DACH2: variants seen among roughly 807,000 people sequenced by gnomAD.
DACH2 encodes the protein dachshund family transcription factor 2.
Under a neutral mutation model 35.8 loss-of-function variants are expected in DACH2, and 17 were observed. The observed-to-expected ratio is 0.48, with a 90% CI of 0.33 to 0.71. The LOEUF (loss-of-function observed/expected upper bound fraction) is 0.71, where lower values mean the gene tolerates loss of function less well. Ranked by LOEUF, DACH2 falls within the 30% of genes least tolerant of loss-of-function variation. The pLI is 0.02. For synonymous variants in DACH2, 195 were observed against 177.3 expected (o/e 1.10, Z -0.79); for missense variants, 469 against 472.7 (o/e 0.99, Z 0.07).
At chrX:86,293,040 A>G (rs1198793178) in intron 1 of DACH2, among the ~76,000 whole-genome samples, 1 of 96,092 alleles carries the variant, frequency 1.0e-5, no homozygotes, top group African/African-American at 4.0e-5. Flanking sequence ...AAAGTCTCCC[A>G]TTATTAATGT....
intron 3 of DACH2, among the ~76,000 whole-genome samples, chrX:86,533,780 C>G (rs1428614713): frequency 9.0e-6 from 1 of 111,542 alleles, no homozygotes; most frequent in Non-Finnish European, 1.9e-5. Context: ...ATTTTCTACT[C>G]TTACAAATTC....
chrX:86,396,689 A>G (rs1304931512), intron 2 of DACH2, among the ~76,000 whole-genome samples: 1 of 111,175 alleles, frequency 9.0e-6, no homozygotes, highest in Non-Finnish European at 1.9e-5. Flanking sequence ...GTCAAAGATC[A>G]GATAGTTGCA....
intron 7 of DACH2, among the ~76,000 whole-genome samples, chrX:86,764,545 C>A (rs1336786800): frequency 1.8e-5 from 2 of 111,742 alleles, no homozygotes; most frequent in Non-Finnish European, 3.8e-5. Flanking sequence ...CATGTTGTTG[C>A]AAAGGACATA....
intron 2 of DACH2, among the ~76,000 whole-genome samples, chrX:86,427,243 C>G (rs1248020281): frequency 9.0e-6 from 1 of 111,110 alleles, no homozygotes; most frequent in Non-Finnish European, 1.9e-5. Flanking sequence ...AATTGGGTCA[C>G]AAAGCATTGT....
chrX:86,700,008 A>G (rs2041121360), intron 5 of DACH2, among the ~76,000 whole-genome samples: 1 of 111,848 alleles, frequency 8.9e-6, no homozygotes, highest in Non-Finnish European at 1.9e-5. Flanking sequence ...TAATTATATG[A>G]TTGAATTTTT....
chrX:86,329,696 G>A (rs1448029548), intron 1 of DACH2, among the ~76,000 whole-genome samples: 1 of 111,803 alleles, frequency 8.9e-6, no homozygotes, highest in African/African-American at 3.3e-5. Flanking sequence ...AACTGAAGAA[G>A]AGGCAGTCTT....
chrX:86,421,449 G>A lies in DACH2; in HGVS notation c.527+44587G>A, dbSNP rs752793592. ...AGATTTAAGGCAACTCATTTGAGTG[G>A]TACCTTGAAGGGTGATTGATTTGAC... is the stretch of plus-strand genomic sequence containing the variant. On this transcript the variant is annotated intron_variant, in intron 2 of 11. Coordinates refer to ENST00000373125, the MANE Select transcript of DACH2 (RefSeq NM_053281.3). 2.5e-4 allele frequency among the ~76,000 whole-genome samples: 28 copies of A among 111,368 alleles called. No homozygotes were observed. In the South Asian group the frequency reaches 9.7e-3, roughly 39 times the overall value.
chrX:86,667,545 G>GAAAGAAAGAAAGAAAGAAGA (rs1556364144), intron 4 of DACH2, among the ~76,000 whole-genome samples: 4 of 31,364 alleles, frequency 1.3e-4, no homozygotes, highest in East Asian at 1.1e-3. Flanking sequence ...AAGAAAGAAA[G>GAAAGAAAGAAAGAAAGAAGA]AAGAAAGAAA....
chrX:86,336,327 C>T (rs1338173653), intron 1 of DACH2, among the ~76,000 whole-genome samples: 2 of 111,888 alleles, frequency 1.8e-5, no homozygotes, highest in South Asian at 3.7e-4. Context: ...AGAATGGTAC[C>T]AGCTCCTCTT....
intron 1 of DACH2, among the ~76,000 whole-genome samples, chrX:86,366,109 T>C (rs2035802907): frequency 9.0e-6 from 1 of 111,324 alleles, no homozygotes; most frequent in Non-Finnish European, 1.9e-5. Context: ...TTTGTGTACA[T>C]TGTCTTTTGC....
intron 2 of DACH2, among the ~76,000 whole-genome samples, chrX:86,419,931 T>A (rs936205625): frequency 1.8e-5 from 2 of 111,835 alleles, no homozygotes; most frequent in Non-Finnish European, 3.8e-5. Context: ...TTCTAGCTAT[T>A]GTGACCTGGG....
At chrX:86,181,409 C>A (rs983403168) in intron 1 of DACH2, among the ~76,000 whole-genome samples, 16 of 110,890 alleles carry the variant, frequency 1.4e-4, no homozygotes, top group Non-Finnish European at 2.5e-4. Flanking sequence ...TTGTTCAACT[C>A]CCATTTATGA....
At position 86,823,634 on chromosome X, in the gene DACH2, C is replaced by T. The variant is rs145214472; in HGVS notation, c.1750+7535C>T. ...CTGTTCTTTCACTATCAGGGGAACCCGCCCCCAATATTTCAACATAGGTTC... is the reference window on the plus strand; with the variant it reads ...CTGTTCTTTCACTATCAGGGGAACCTGCCCCCAATATTTCAACATAGGTTC... On this transcript the variant is annotated intron_variant, in intron 11 of 11. Transcript: ENST00000373125. Among the ~76,000 whole-genome samples the T allele has an allele frequency of 9.2e-3, 1,023 of 111,689 alleles. 5 individuals are homozygous for T. The highest frequency in any genetic ancestry group is 0.031 in the African/African-American group (964 of 30,701).
chrX:86,639,360 C>A (rs1465116855), intron 3 of DACH2, among the ~76,000 whole-genome samples: 1 of 111,687 alleles, frequency 9.0e-6, no homozygotes, highest in African/African-American at 3.3e-5. Context: ...TCCTTGTGAA[C>A]CCAGTCCACC....
intron 2 of DACH2, among the ~76,000 whole-genome samples, chrX:86,511,966 A>G (rs747286095): frequency 1.8e-5 from 2 of 112,251 alleles, no homozygotes; most frequent in African/African-American, 3.2e-5. Flanking sequence ...GATCAAAGAG[A>G]CCAGAGTAAT....
chrX:86,360,630 C>G (rs2035723718), intron 1 of DACH2, among the ~76,000 whole-genome samples: 1 of 110,999 alleles, frequency 9.0e-6, no homozygotes, highest in Non-Finnish European at 1.9e-5. Context: ...AGTCCTGCAG[C>G]TAATGTACAT....
chrX:86,365,075 AATCTTCATAGG>A (rs2035788293), intron 1 of DACH2, among the ~76,000 whole-genome samples: 1 of 111,785 alleles, frequency 8.9e-6, no homozygotes, highest in Non-Finnish European at 1.9e-5. Flanking sequence ...AATGGCTAAC[AATCTTCATAGG>A]TACTTGTTTA....
chrX:86,449,524 A>G (rs1032552729), intron 2 of DACH2, among the ~76,000 whole-genome samples: 1 of 111,571 alleles, frequency 9.0e-6, no homozygotes. Context: ...TATTACTGCT[A>G]TTTTAAAAAT....
intron 3 of DACH2, among the ~76,000 whole-genome samples, chrX:86,536,869 CTAA>C (rs775320616): frequency 8.9e-6 from 1 of 111,799 alleles, no homozygotes; most frequent in South Asian, 3.8e-4. Flanking sequence ...AAAGAAACCT[CTAA>C]ACAAATTTAG....
Sources: gnomAD v4.1 joint callset for allele counts (sites outside exome capture counted in the v4.1 genomes callset) on GRCh38, gnomAD v4.1.1 for gene constraint, MANE v1.5 for transcripts, NCBI Gene and HGNC (gene_info 2026-07-23, HGNC 2026-07-21) for gene names.